APBB2: variants seen among roughly 807,000 people sequenced by gnomAD.
The protein encoded by APBB2 is Fe65-like 1.
Under a neutral mutation model 82.5 loss-of-function variants are expected in APBB2, and 38 were observed. That is an observed-to-expected ratio of 0.46 (90% CI 0.36 to 0.60). APBB2 has a LOEUF of 0.60. APBB2 is among the 20% of genes least tolerant of loss of function. The pLI is 0.00. For synonymous variants in APBB2, 341 were observed against 368.2 expected (o/e 0.93, Z 0.85); for missense variants, 772 against 972.3 (o/e 0.79, Z 2.74).
At position 40,948,760 on chromosome 4, in the gene APBB2, T is replaced by TA. The variant is rs34662232; in HGVS notation, c.836-3688dup. Among the ~76,000 whole-genome samples, 803 of 83,262 alleles carry TA rather than the reference T, an allele frequency of 9.6e-3. 18 individuals are homozygous for TA. Among genetic ancestry groups the TA allele is most frequent in the East Asian group, 0.049 (144 of 2,916 alleles). 54.6% of individuals were successfully genotyped at this position (83,262 alleles called of 152,430 possible). A position where few individuals can be genotyped will look rare whatever the true frequency, so the allele number is the denominator to read the frequency against. ...GGGTGACAGAGTGAGACTCCCATCT[T>TA]AAAAAAAAAAAAAAAAAAAAAAAGA... On this transcript the variant is annotated intron_variant, in intron 6 of 17. Coordinates refer to ENST00000508593, the MANE Select transcript of APBB2 (RefSeq NM_004307.2).
intron 2 of APBB2, among the ~76,000 whole-genome samples, chr4:41,138,946 A>T (rs1257245417): frequency 6.6e-6 from 1 of 152,182 alleles, no homozygotes; most frequent in Non-Finnish European, 1.5e-5. Context: ...CTAGCTACAA[A>T]TACTTTGAAA....
chr4:40,839,434 TTC>T (rs1289411459), intron 12 of APBB2, among the ~76,000 whole-genome samples: 2 of 152,026 alleles, frequency 1.3e-5, no homozygotes, highest in Non-Finnish European at 2.9e-5. Flanking sequence ...CTCTCACCAA[TTC>T]TCTGTTGTTG....
intron 6 of APBB2, among the ~76,000 whole-genome samples, chr4:41,003,327 GA>G (rs1263855917): frequency 2.0e-5 from 3 of 152,114 alleles, no homozygotes; most frequent in East Asian, 3.8e-4. Context: ...TTTCCTTCCT[GA>G]AAATTTTGAA....
intron 12 of APBB2, among the ~76,000 whole-genome samples, chr4:40,877,750 C>A (rs1228687963): frequency 6.6e-6 from 1 of 152,174 alleles, no homozygotes; most frequent in Non-Finnish European, 1.5e-5. Context: ...TTGCTTCCAA[C>A]AAATTCACTC....
intron 6 of APBB2, among the ~76,000 whole-genome samples, chr4:40,983,892 T>C (rs993235468): frequency 6.6e-6 from 1 of 152,166 alleles, no homozygotes; most frequent in African/African-American, 2.4e-5. Context: ...TAAACTATGG[T>C]GTTTTTGATC....
chr4:40,982,301 GGAAGGAAAGAAAGAAA>G (rs1259677341), intron 6 of APBB2, among the ~76,000 whole-genome samples: 7 of 22,830 alleles, frequency 3.1e-4, no homozygotes, highest in East Asian at 3.1e-3. Context: ...AAGGAAGGAA[GGAAGGAAAGAAAGAAA>G]GAAAGAAAAG....
chr4:40,890,984 C>A (rs762773506), intron 11 of APBB2: 2 of 153,110 alleles, frequency 1.3e-5, no homozygotes, highest in African/African-American at 4.8e-5. Flanking sequence ...AGACAGCAGG[C>A]ACAGCTTTGT....
chr4:40,904,863 G>A (rs1578321608), intron 10 of APBB2, among the ~76,000 whole-genome samples: 1 of 151,868 alleles, frequency 6.6e-6, no homozygotes, highest in East Asian at 1.9e-4. Context: ...TGGCCAGGGA[G>A]GACCCAGAGA....
chr4:40,977,547 A>G (rs1471345129), intron 6 of APBB2, among the ~76,000 whole-genome samples: 1 of 152,172 alleles, frequency 6.6e-6, no homozygotes, highest in Non-Finnish European at 1.5e-5. Context: ...TTCTGACCTC[A>G]GGTGATCCTC....
chr4:41,194,828 C>A, intron 1 of APBB2, among the ~76,000 whole-genome samples: 1 of 149,314 alleles, frequency 6.7e-6, no homozygotes, highest in Non-Finnish European at 1.5e-5. Context: ...CTAAGGAATA[C>A]TCACTCACTC....
rs567193098 is a variant in APBB2 at position 41,178,546 on chromosome 4, A to C, written c.-416-35404T>G. ...ACCCTCCACTGTACTGCCACCATCT[A>C]TCACAGTGCATGGCCCGAGGCAGGT... On this transcript the variant is annotated intron_variant, in intron 1 of 17. Transcript: ENST00000508593. Among the ~76,000 whole-genome samples, 5 of 152,362 alleles carry C rather than the reference A, an allele frequency of 3.3e-5. No individual in the cohort carries two copies. The South Asian group carries it at 1.0e-3, about 32-fold the overall frequency.
rs1744690198 is a variant in APBB2, at chr4:40,812,872, T to C, written c.*3220A>G. 6.6e-6 allele frequency: 1 copy of C among 152,236 alleles called. No homozygotes were observed. Among genetic ancestry groups the C allele is most frequent in the Non-Finnish European group, 1.5e-5 (1 of 68,038 alleles). The allele number at this position is 152,236 out of a possible 1,614,324, so 9.4% of individuals were successfully genotyped here. ...AAAAAACAATGGTCCTAATTAGCTATGAGTGATCTTGTATCCAGGTGGAAA... is the reference window on the plus strand; with the variant it reads ...AAAAAACAATGGTCCTAATTAGCTACGAGTGATCTTGTATCCAGGTGGAAA... On this transcript the variant is annotated 3_prime_UTR_variant, in exon 18 of 18. Coordinates refer to ENST00000508593, the MANE Select transcript of APBB2 (RefSeq NM_004307.2).
At chr4:41,107,498 A>G (rs1747679841) in intron 2 of APBB2, among the ~76,000 whole-genome samples, 1 of 152,218 alleles carries the variant, frequency 6.6e-6, no homozygotes, top group Non-Finnish European at 1.5e-5. Flanking sequence ...TGATTCAGTC[A>G]ACAATCATTA....
At chr4:40,872,647 A>G (rs1765824338) in intron 12 of APBB2, among the ~76,000 whole-genome samples, 1 of 152,156 alleles carries the variant, frequency 6.6e-6, no homozygotes, top group African/African-American at 2.4e-5. Context: ...AGGAAGAAGG[A>G]GGGAGAAAAG....
chr4:41,056,465 G>A (rs915476550), intron 4 of APBB2, among the ~76,000 whole-genome samples: 5 of 152,100 alleles, frequency 3.3e-5, no homozygotes, highest in African/African-American at 7.2e-5. Flanking sequence ...TGGAAATTGT[G>A]TTCTCCTGGG....
intron 5 of APBB2, among the ~76,000 whole-genome samples, chr4:41,017,834 T>C (rs1217748019): frequency 6.6e-6 from 1 of 152,168 alleles, no homozygotes; most frequent in African/African-American, 2.4e-5. Flanking sequence ...AGGATTTAAT[T>C]ATGAAAAAAA....
chr4:41,098,777 G>T (rs1358034005), intron 3 of APBB2, among the ~76,000 whole-genome samples: 1 of 152,180 alleles, frequency 6.6e-6, no homozygotes, highest in Non-Finnish European at 1.5e-5. Flanking sequence ...CTTACTTTCT[G>T]AAGCTAAGTT....
At chr4:41,034,336 T>G (rs1579421924) in intron 4 of APBB2, among the ~76,000 whole-genome samples, 1 of 152,112 alleles carries the variant, frequency 6.6e-6, no homozygotes. Context: ...TGGTTTTTTG[T>G]TTTTTTGCAA....
chr4:40,947,127 G>C (rs935309791), intron 6 of APBB2, among the ~76,000 whole-genome samples: 2 of 152,106 alleles, frequency 1.3e-5, no homozygotes, highest in Non-Finnish European at 2.9e-5. Context: ...TCCTTTTCAG[G>C]GGACGAAGGG....
Sources: gnomAD v4.1 joint callset for allele counts (sites outside exome capture counted in the v4.1 genomes callset) on GRCh38, gnomAD v4.1.1 for gene constraint, MANE v1.5 for transcripts, NCBI Gene and HGNC (gene_info 2026-07-23, HGNC 2026-07-21) for gene names.